The following PLA2G12B variants were observed in gnomAD, a reference collection of about 807,000 sequenced individuals.
PLA2G12B encodes the protein group XIIB secretory phospholipase A2-like protein.
Under a neutral mutation model 22.3 loss-of-function variants are expected in PLA2G12B, and 19 were observed. The ratio of observed to expected loss-of-function variants is 0.85; its 90% confidence interval spans 0.60 to 1.25. PLA2G12B has a LOEUF of 1.25. Among genes scored for constraint, PLA2G12B ranks in the 50% most tolerant of loss-of-function variants. PLA2G12B has a pLI of 0.00. For missense variants in PLA2G12B, 191 were observed against 246.6 expected (o/e 0.77, Z 1.51); for synonymous variants, 81 against 94.9 (o/e 0.85, Z 0.85).
intron 3 of PLA2G12B, among the ~76,000 whole-genome samples, chr10:72,939,720 G>A (rs780811708): frequency 2.0e-5 from 3 of 152,230 alleles, no homozygotes; most frequent in Non-Finnish European, 4.4e-5. Context: ...ACAGTTCTGA[G>A]CCCACTGAAG....
rs1846374518 is a variant in PLA2G12B, at chr10:72,942,206, A to C, written c.300+446T>G. ...TGTGTGTGCAGATTTCTATGATGTC[A>C]GCTCTCCAAACATAGCCAATTTGGC... On this transcript the variant is annotated intron_variant, in intron 2 of 3. Transcript: ENST00000373032. Among the ~76,000 whole-genome samples the C allele has an allele frequency of 3.3e-5, 5 of 150,388 alleles. No individual in the cohort carries two copies. In the South Asian group the frequency reaches 1.1e-3, roughly 32 times the overall value.
In PLA2G12B at chr10:72,942,702, C is replaced by T. The variant is rs779892250; in HGVS notation, c.250G>A (p.Glu84Lys). ...PMPRPGYKPQ[E>K]PNGCGSYFLG... ...AAATAGGAGCCGCAGCCATTGGGCT[C>T]TTGGGGCTTGTAGCCAGGTCTGGGC... Residue 84 changes from glutamate (E) to lysine (K), a missense_variant, in exon 2 of 4, where the codon GAG becomes AAG. Transcript: ENST00000373032. 2 of 1,608,170 alleles carry T rather than the reference C, an allele frequency of 1.2e-6. No homozygotes were observed. Among genetic ancestry groups the T allele is most frequent in the Non-Finnish European group, 1.7e-6 (2 of 1,177,244 alleles).
intron 1 of PLA2G12B, among the ~76,000 whole-genome samples, chr10:72,952,550 G>A (rs891904970): frequency 1.3e-5 from 2 of 152,196 alleles, no homozygotes; most frequent in Non-Finnish European, 2.9e-5. Context: ...CATGAGAGAT[G>A]TGTCACAAAG....
In PLA2G12B at chr10:72,935,681, C is replaced by A. The variant is rs752646456; in HGVS notation, c.524G>T (p.Arg175Leu). 6.2e-7 allele frequency: 1 copy of A among 1,614,002 alleles called. No individual in the cohort carries two copies. Among genetic ancestry groups the A allele is most frequent in the African/African-American group, 1.3e-5 (1 of 74,908 alleles). ...VFNTVWTLGC[R>L]PFMNSQRAAC... ...TGCCCGCTGACTATTCATAAAGGGG[C>A]GGCAGCCCAAGGTCCACACGGTGTT... The change falls in exon 4 of 4, where the codon CGC becomes CTC. Residue 175 changes from arginine (R) to leucine (L), a missense_variant. Physicochemically the swap from Arg to Leu is moderately radical, Grantham distance 102 (BLOSUM62 -2). Transcript: ENST00000373032.
chr10:72,938,965 GA>G (rs1327885184), intron 3 of PLA2G12B, among the ~76,000 whole-genome samples: 1 of 152,216 alleles, frequency 6.6e-6, no homozygotes, highest in Non-Finnish European at 1.5e-5. Context: ...TAGATCAGTG[GA>G]ATAGAATTGC....
At chr10:72,939,437 A>T (rs1846325866) in intron 3 of PLA2G12B, among the ~76,000 whole-genome samples, 1 of 152,148 alleles carries the variant, frequency 6.6e-6, no homozygotes, top group South Asian at 2.1e-4. Context: ...ATGAGAAATA[A>T]GCGATCTTTG....
chr10:72,942,100 A>G (rs1266576698), intron 2 of PLA2G12B, among the ~76,000 whole-genome samples: 1 of 150,846 alleles, frequency 6.6e-6, no homozygotes, highest in Non-Finnish European at 1.5e-5. Context: ...TCTGGCCAAC[A>G]TGGTGAAACC....
chr10:72,949,038 C>T lies in PLA2G12B; in HGVS notation c.211+5437G>A, dbSNP rs566280450. Among the ~76,000 whole-genome samples, 41 of 152,248 alleles carry T rather than the reference C, an allele frequency of 2.7e-4. No individual in the cohort carries two copies. The South Asian group carries it at 7.9e-3, about 29-fold the overall frequency. On this transcript the variant is annotated intron_variant, in intron 1 of 3. Coordinates refer to ENST00000373032, the MANE Select transcript of PLA2G12B (RefSeq NM_032562.5). Reference sequence around the variant, plus strand: ...AGAGTTTTGCCTTCCCGGGAGGGTGCGTCCATCCTCTCCACCCAGCTGGTT... The same window carrying T: ...AGAGTTTTGCCTTCCCGGGAGGGTGTGTCCATCCTCTCCACCCAGCTGGTT...
intron 1 of PLA2G12B, among the ~76,000 whole-genome samples, chr10:72,949,398 T>C (rs902519668): frequency 6.6e-6 from 1 of 152,222 alleles, no homozygotes. Context: ...GCAAACCATT[T>C]AGTTTTTCTT....
At chr10:72,947,792 G>T (rs993784782) in intron 1 of PLA2G12B, among the ~76,000 whole-genome samples, 1 of 152,162 alleles carries the variant, frequency 6.6e-6, no homozygotes, top group Non-Finnish European at 1.5e-5. Flanking sequence ...GCTGAAGGCT[G>T]GGAATTCCAA....
In PLA2G12B at chr10:72,954,629, A is replaced by G; in HGVS notation, c.57T>C (p.Ala19=). ...VLWLSLGGGL[A]QSDTSPDTEE... is the part of the protein sequence containing the mutation. ...CCGTGTCAGGGCTCGTGTCGCTCTG[A>G]GCCAGGCCACCCCCAAGGCTGAGCC... The change falls in exon 1 of 4, where the codon GCT becomes GCC. Residue 19 remains alanine, a synonymous_variant. Transcript: ENST00000373032. 4 of 1,614,146 alleles carry G rather than the reference A, an allele frequency of 2.5e-6. No individual in the cohort carries two copies. Among genetic ancestry groups the G allele is most frequent in the Non-Finnish European group, 3.4e-6 (4 of 1,180,042 alleles).
chr10:72,954,527 A>T lies in PLA2G12B; in HGVS notation c.159T>A (p.Phe53Leu), dbSNP rs971325332. The change falls in exon 1 of 4, where the codon TTT (phenylalanine) becomes TTA (leucine). Residue 53 changes from phenylalanine (F) to leucine (L), a missense_variant. Physicochemically the swap from Phe to Leu is conservative, Grantham distance 22. Coordinates refer to ENST00000373032, the MANE Select transcript of PLA2G12B (RefSeq NM_032562.5). ...FESVNSYFDSFLELLGGKNGV... is the reference protein window; with the variant it reads ...FESVNSYFDSLLELLGGKNGV... ...CATTCTTCCCTCCCAGCAGCTCCAG[A>T]AAAGAATCGAAGTAGCTATTGACGG... The T allele has an allele frequency of 6.2e-7, 1 of 1,614,200 alleles. No homozygotes were observed. The highest frequency in any genetic ancestry group is 1.7e-5 in the Admixed American group (1 of 60,016).
intron 2 of PLA2G12B, 134 bp downstream of exon 2, chr10:72,942,518 C>A: frequency 1.5e-6 from 1 of 650,572 alleles, no homozygotes; most frequent in African/African-American, 1.9e-5. Flanking sequence ...AATTCTCTCC[C>A]TCATATCCAA....
chr10:72,941,460 T>A (rs1171591234), intron 2 of PLA2G12B, 126 bp from the exon 3 acceptor site: 1 of 887,630 alleles, frequency 1.1e-6, no homozygotes, highest in East Asian at 2.5e-5. Context: ...CATATCCCGA[T>A]CAATTCAGAA....
intron 1 of PLA2G12B, among the ~76,000 whole-genome samples, chr10:72,948,005 G>A (rs551061046): frequency 6.6e-6 from 1 of 152,268 alleles, no homozygotes; most frequent in East Asian, 1.9e-4. Flanking sequence ...CTCCTGAGTA[G>A]CTGGTATTAC....
Position 72,954,587 on chromosome 10 carries a change from G to A in PLA2G12B, c.99C>T (p.Asp33=), listed in dbSNP as rs1426007476. ...TTCCCCGGAGGTGCCGAAGGCCCCAGTCTGAATAGGACTCCTCCGTGTCAG... is the reference window on the plus strand; with the variant it reads ...TTCCCCGGAGGTGCCGAAGGCCCCAATCTGAATAGGACTCCTCCGTGTCAG... ...TSPDTEESYS[D]WGLRHLRGSF... Residue 33 remains aspartate (D), a synonymous_variant, in exon 1 of 4, where the codon GAC becomes GAT. Coordinates refer to ENST00000373032, the MANE Select transcript of PLA2G12B (RefSeq NM_032562.5). The A allele has an allele frequency of 6.2e-7, 1 of 1,614,192 alleles. No homozygotes were observed. Among genetic ancestry groups the A allele is most frequent in the South Asian group, 1.1e-5 (1 of 91,084 alleles).
Position 72,941,162 on chromosome 10 carries a change from C to A in PLA2G12B, c.466+7G>T. 1.2e-6 allele frequency: 2 copies of A among 1,613,600 alleles called. No homozygotes were observed. Among genetic ancestry groups the A allele is most frequent in the Non-Finnish European group, 1.7e-6 (2 of 1,179,672 alleles). Reference sequence around the variant, plus strand: ...CTGTGCACTGTACGTGCCATTGAGACACCTACCTTCCACTTTGGAGACAAA... The same window carrying A: ...CTGTGCACTGTACGTGCCATTGAGAAACCTACCTTCCACTTTGGAGACAAA... On this transcript the variant is annotated splice_region_variant and intron_variant, in intron 3 of 3. Coordinates refer to ENST00000373032, the MANE Select transcript of PLA2G12B (RefSeq NM_032562.5).
chr10:72,937,030 T>C (rs2132960223), intron 3 of PLA2G12B, among the ~76,000 whole-genome samples: 1 of 152,192 alleles, frequency 6.6e-6, no homozygotes, highest in South Asian at 2.1e-4. Context: ...GCTAACACGG[T>C]GAAACCTTGT....
rs144151263 is a variant in PLA2G12B, at chr10:72,950,868, G to C, written c.211+3607C>G. ...TGAAAGCGTGAACAGTATCATTATAGAAACTACTCCATTGACCCAACTCCA... is the reference window on the plus strand; with the variant it reads ...TGAAAGCGTGAACAGTATCATTATACAAACTACTCCATTGACCCAACTCCA... On this transcript the variant is annotated intron_variant, in intron 1 of 3. Transcript: ENST00000373032. 4.6e-5 allele frequency among the ~76,000 whole-genome samples: 7 copies of C among 152,332 alleles called. No homozygotes were observed. The East Asian group carries it at 1.3e-3, about 29-fold the overall frequency.
Sources: allele counts gnomAD v4.1 joint callset (sites outside exome capture counted in the v4.1 genomes callset), GRCh38; gene constraint gnomAD v4.1.1; transcripts MANE v1.5; gene names NCBI Gene and HGNC (gene_info 2026-07-23, HGNC 2026-07-21).